NCKAP5: variants seen among roughly 807,000 people sequenced by gnomAD.
NCKAP5 encodes NCK associated protein 5.
In NCKAP5, 92 loss-of-function variants were observed where a neutral mutation model predicts 167.0. That is an observed-to-expected ratio of 0.55 (90% CI 0.47 to 0.66). The LOEUF is 0.66. Among genes scored for constraint, NCKAP5 ranks in the 30% least tolerant of loss-of-function variants. The pLI, the probability that NCKAP5 is intolerant of heterozygous loss-of-function variation, is 0.00. For synonymous variants in NCKAP5, 891 were observed against 877.4 expected (o/e 1.02, Z -0.27); for missense variants, 2,378 against 2,315.0 (o/e 1.03, Z -0.56).
the NCKAP5 span, among the ~76,000 whole-genome samples, chr2:133,671,549 C>T: frequency 6.6e-6 from 1 of 152,040 alleles, no homozygotes; most frequent in Non-Finnish European, 1.5e-5. Flanking sequence ...GAGACTTGAG[C>T]TCGCATGTTC....
chr2:133,648,321 G>A, the NCKAP5 span, among the ~76,000 whole-genome samples: 168 of 151,886 alleles, frequency 1.1e-3, 4 homozygotes, highest in East Asian at 0.024. Flanking sequence ...AAGAAACTTC[G>A]ACACCGCATT....
Position 133,431,234 on chromosome 2 carries a change from G to T in NCKAP5, c.69+86224C>A, listed in dbSNP as rs567258763. ...ATATTGAATAATAATTCCCCTGAAA[G>T]CAAATACCCACAGAATGCTGCTTTC... On this transcript the variant is annotated intron_variant, in intron 3 of 19. Transcript: ENST00000409261. 2.0e-5 allele frequency among the ~76,000 whole-genome samples: 3 copies of T among 152,228 alleles called. No individual in the cohort carries two copies. The South Asian group carries it at 6.2e-4, about 32-fold the overall frequency.
chr2:132,892,837 T>G (rs1692822376), intron 8 of NCKAP5, among the ~76,000 whole-genome samples: 1 of 151,934 alleles, frequency 6.6e-6, no homozygotes, highest in Non-Finnish European at 1.5e-5. Flanking sequence ...CTTAATACAG[T>G]ACTTTGAAGA....
chr2:132,704,111 T>C (rs907490866), intron 19 of NCKAP5, among the ~76,000 whole-genome samples: 4 of 152,230 alleles, frequency 2.6e-5, no homozygotes, highest in Non-Finnish European at 5.9e-5. Flanking sequence ...ACCTCTTTTC[T>C]GAAGGTGTCT....
intron 3 of NCKAP5, among the ~76,000 whole-genome samples, chr2:133,467,499 T>A (rs1291093718): frequency 6.6e-6 from 1 of 151,336 alleles, no homozygotes; most frequent in East Asian, 2.0e-4. Flanking sequence ...TGCCTGGCTT[T>A]GGTATCAGAA....
chr2:133,660,931 G>A, the NCKAP5 span, among the ~76,000 whole-genome samples: 4 of 148,240 alleles, frequency 2.7e-5, no homozygotes, highest in East Asian at 2.0e-4. Context: ...TCACCCAGTC[G>A]CCACGCATAT....
intron 6 of NCKAP5, among the ~76,000 whole-genome samples, chr2:133,063,422 T>A (rs1358602790): frequency 6.6e-6 from 1 of 152,170 alleles, no homozygotes; most frequent in Non-Finnish European, 1.5e-5. Flanking sequence ...GGCGAATCCA[T>A]CTGCAGCTTC....
chr2:133,460,968 C>T (rs768982954), intron 3 of NCKAP5, among the ~76,000 whole-genome samples: 15 of 152,086 alleles, frequency 9.9e-5, no homozygotes, highest in Non-Finnish European at 2.1e-4. Flanking sequence ...AAAGAAAAAT[C>T]TATTAAAATG....
chr2:133,468,481 T>C (rs957449555), intron 3 of NCKAP5, among the ~76,000 whole-genome samples: 3 of 151,528 alleles, frequency 2.0e-5, no homozygotes, highest in Non-Finnish European at 2.9e-5. Flanking sequence ...AAAAAATGTA[T>C]ATTCTGTTGA....
At chr2:133,042,192 C>T (rs1040520069) in intron 6 of NCKAP5, among the ~76,000 whole-genome samples, 2 of 151,990 alleles carry the variant, frequency 1.3e-5, no homozygotes, top group African/African-American at 4.8e-5. Context: ...GCTGTTTTTC[C>T]ACCAATTTCC....
At chr2:133,547,225 C>T (rs1036254413) in intron 2 of NCKAP5, among the ~76,000 whole-genome samples, 1 of 152,198 alleles carries the variant, frequency 6.6e-6, no homozygotes, top group Non-Finnish European at 1.5e-5. Context: ...TCGGAGGGTC[C>T]TACGCCCACG....
intron 19 of NCKAP5, among the ~76,000 whole-genome samples, chr2:132,695,049 G>GT (rs1490657473): frequency 6.6e-6 from 1 of 152,204 alleles, no homozygotes; most frequent in Non-Finnish European, 1.5e-5. Flanking sequence ...GAAGGAAGGA[G>GT]TGAATGAGCT....
chr2:133,085,341 G>C (rs1478644686), intron 6 of NCKAP5, among the ~76,000 whole-genome samples: 1 of 152,076 alleles, frequency 6.6e-6, no homozygotes, highest in Non-Finnish European at 1.5e-5. Flanking sequence ...TAATGGTCTA[G>C]GTTGACTTTA....
chr2:133,084,778 C>T (rs2080928889), intron 6 of NCKAP5, among the ~76,000 whole-genome samples: 1 of 152,168 alleles, frequency 6.6e-6, no homozygotes, highest in African/African-American at 2.4e-5. Flanking sequence ...ACAGAACATC[C>T]TACATGCTTA....
chr2:133,439,061 A>G (rs13422893), intron 3 of NCKAP5, among the ~76,000 whole-genome samples: 50,757 of 152,080 alleles, frequency 0.33, 8,866 homozygotes, highest in African/African-American at 0.38. Context: ...TCATGCAAGA[A>G]TATAGAATGC....
intron 4 of NCKAP5, among the ~76,000 whole-genome samples, chr2:133,262,803 A>G (rs557649390): frequency 6.6e-6 from 1 of 152,340 alleles, no homozygotes; most frequent in Admixed American, 6.5e-5. Context: ...ACAGTTCCAC[A>G]TAAAAAGCAG....
intron 5 of NCKAP5, among the ~76,000 whole-genome samples, chr2:133,203,023 A>G (rs2085770748): frequency 6.6e-6 from 1 of 152,198 alleles, no homozygotes; most frequent in South Asian, 2.1e-4. Flanking sequence ...CATTTGACCC[A>G]GCCATCCCAT....
chr2:133,068,443 A>G (rs947060476), intron 6 of NCKAP5, among the ~76,000 whole-genome samples: 1 of 152,182 alleles, frequency 6.6e-6, no homozygotes, highest in Non-Finnish European at 1.5e-5. Context: ...GCCTGAATAT[A>G]CTGGCAGAGA....
intron 11 of NCKAP5, among the ~76,000 whole-genome samples, chr2:132,852,803 C>T (rs907012396): frequency 6.6e-6 from 1 of 152,176 alleles, no homozygotes; most frequent in Admixed American, 6.5e-5. Context: ...AGAAGGCTTT[C>T]CTGACACCCA....
Sources: gnomAD v4.1 joint callset for allele counts (sites outside exome capture counted in the v4.1 genomes callset) on GRCh38, gnomAD v4.1.1 for gene constraint, MANE v1.5 for transcripts, NCBI Gene and HGNC (gene_info 2026-07-23, HGNC 2026-07-21) for gene names.